Variants in IPMK observed in about 807,000 individuals in gnomAD.
IPMK encodes inositol 1,3,4,6-tetrakisphosphate 5-kinase.
In IPMK, 17 loss-of-function variants were observed where a neutral mutation model predicts 45.8. The ratio of observed to expected loss-of-function variants is 0.37; its 90% CI spans 0.25 to 0.56. The LOEUF is 0.56. IPMK is among the 20% of genes least tolerant of loss of function. IPMK has a pLI of 0.79. For missense variants in IPMK, 399 were observed against 498.0 expected (o/e 0.80, Z 1.89); for synonymous variants, 180 against 184.3 (o/e 0.98, Z 0.19).
chr10:58,243,739 G>A (rs1240482041), intron 1 of IPMK, among the ~76,000 whole-genome samples: 7 of 152,180 alleles, frequency 4.6e-5, no homozygotes, highest in Admixed American at 1.3e-4. Context: ...TCCCAGCCGC[G>A]TGCCTTGGCC....
chr10:58,215,420 T>C (rs963736643), intron 4 of IPMK, among the ~76,000 whole-genome samples: 2 of 150,786 alleles, frequency 1.3e-5, no homozygotes, highest in African/African-American at 2.5e-5. Flanking sequence ...GCGTTGTTTG[T>C]TTTTCTGAGA....
chr10:58,233,558 C>A (rs942287210), intron 2 of IPMK, among the ~76,000 whole-genome samples: 3 of 151,968 alleles, frequency 2.0e-5, no homozygotes, highest in Non-Finnish European at 2.9e-5. Context: ...ATAAACAGAA[C>A]CAACGACAAA....
intron 2 of IPMK, among the ~76,000 whole-genome samples, chr10:58,228,304 T>C (rs1030610263): frequency 2.6e-5 from 4 of 152,124 alleles, no homozygotes; most frequent in African/African-American, 9.7e-5. Context: ...CATAAAAATA[T>C]ATATAGCAGG....
At chr10:58,229,026 T>C (rs1457399885) in intron 2 of IPMK, among the ~76,000 whole-genome samples, 1 of 152,124 alleles carries the variant, frequency 6.6e-6, no homozygotes, top group East Asian at 1.9e-4. Context: ...ACAGAGTTAC[T>C]ATACTGAAAC....
chr10:58,233,126 C>T (rs2590320), intron 2 of IPMK, among the ~76,000 whole-genome samples: 3 of 151,986 alleles, frequency 2.0e-5, no homozygotes, highest in Admixed American at 2.0e-4. Context: ...ACTAGGAAGA[C>T]GTTGCACCTC....
At chr10:58,227,819 T>A (rs868501047) in intron 2 of IPMK, among the ~76,000 whole-genome samples, 10 of 151,850 alleles carry the variant, frequency 6.6e-5, no homozygotes, top group African/African-American at 2.4e-4. Flanking sequence ...GACAGAATAT[T>A]TTTTGTTTAC....
chr10:58,222,785 C>T (rs1471059818), intron 3 of IPMK, among the ~76,000 whole-genome samples: 3 of 152,188 alleles, frequency 2.0e-5, no homozygotes, highest in Non-Finnish European at 4.4e-5. Context: ...AAGTAGACTA[C>T]ATAAGATCAC....
In IPMK at chr10:58,195,408, A is replaced by C. The variant is rs1837876715; in HGVS notation, c.*668T>G. The C allele has an allele frequency of 6.6e-6, 1 of 152,076 alleles. No homozygotes were observed. The highest frequency in any genetic ancestry group is 2.4e-5 in the African/African-American group (1 of 41,434). The allele number at this position is 152,076 out of a possible 1,614,324, so 9.4% of individuals were successfully genotyped here. A position where few individuals can be genotyped will look rare whatever the true frequency, so the allele number is the denominator to read the frequency against. On this transcript the variant is annotated 3_prime_UTR_variant, in exon 6 of 6. Transcript: ENST00000373935. ...AGTAAGGACAATTAGTGTGCCCTTA[A>C]TTTCAAGACTTTGTTGTTGTCATCC... is the stretch of plus-strand genomic sequence containing the variant.
chr10:58,207,109 T>A (rs1028195484), intron 4 of IPMK, among the ~76,000 whole-genome samples: 2 of 152,174 alleles, frequency 1.3e-5, no homozygotes, highest in Non-Finnish European at 2.9e-5. Flanking sequence ...TTCAAGCGAT[T>A]CTCCTGCCTC....
intron 1 of IPMK, among the ~76,000 whole-genome samples, chr10:58,252,226 T>G (rs1195029779): frequency 6.6e-6 from 1 of 152,212 alleles, no homozygotes; most frequent in Non-Finnish European, 1.5e-5. Flanking sequence ...TGATAACAAC[T>G]CAATGTGGAC....
chr10:58,224,922 C>CA (rs1347336304), intron 3 of IPMK, among the ~76,000 whole-genome samples: 1 of 152,096 alleles, frequency 6.6e-6, no homozygotes, highest in African/African-American at 2.4e-5. Flanking sequence ...CATTTGCAAT[C>CA]AAAAGGATAA....
At chr10:58,233,207 A>T (rs964514719) in intron 2 of IPMK, among the ~76,000 whole-genome samples, 1 of 152,180 alleles carries the variant, frequency 6.6e-6, no homozygotes, top group African/African-American at 2.4e-5. Context: ...AAAGTCCAGG[A>T]CCAGATGGAT....
chr10:58,207,076 C>A (rs377750795), intron 4 of IPMK, among the ~76,000 whole-genome samples: 37 of 152,200 alleles, frequency 2.4e-4, no homozygotes, highest in African/African-American at 8.7e-4. Context: ...GATCTCAGCT[C>A]ACTGCAAACT....
chr10:58,219,384 T>C (rs935933000), intron 3 of IPMK, among the ~76,000 whole-genome samples: 2 of 152,230 alleles, frequency 1.3e-5, no homozygotes, highest in Non-Finnish European at 2.9e-5. Flanking sequence ...GGGCATGATC[T>C]GAGCATTGAG....
At chr10:58,243,875 G>A (rs909276228) in intron 1 of IPMK, among the ~76,000 whole-genome samples, 10 of 151,704 alleles carry the variant, frequency 6.6e-5, no homozygotes, top group Non-Finnish European at 1.3e-4. Flanking sequence ...CCCCATCTGG[G>A]AAGTGAGGAG....
chr10:58,265,885 T>A (rs994933092), intron 1 of IPMK, among the ~76,000 whole-genome samples: 15 of 152,244 alleles, frequency 9.9e-5, no homozygotes, highest in African/African-American at 2.7e-4. Context: ...TTGAGATTTT[T>A]AAAATCTATT....
At position 58,197,027 on chromosome 10, in the gene IPMK, A is replaced by G. The variant is rs12769681; in HGVS notation, c.629-329T>C. On this transcript the variant is annotated intron_variant, in intron 5 of 5. Transcript: ENST00000373935. ...TAAGAAACAGGATTCCAGGCTGGGC[A>G]CGGTGGCTCACGCCTGTAATCCCAG... 2.3e-3 allele frequency among the ~76,000 whole-genome samples: 352 copies of G among 152,038 alleles called. 1 individual carries two copies. Among genetic ancestry groups the G allele is most frequent in the Non-Finnish European group, 3.9e-3 (262 of 67,966 alleles).
At chr10:58,218,892 G>C (rs776244393) in intron 3 of IPMK, among the ~76,000 whole-genome samples, 1 of 152,182 alleles carries the variant, frequency 6.6e-6, no homozygotes, top group Non-Finnish European at 1.5e-5. Flanking sequence ...ATAAATGTTT[G>C]CTGAATGAAT....
At chr10:58,254,820 T>C (rs1447059207) in intron 1 of IPMK, among the ~76,000 whole-genome samples, 1 of 152,250 alleles carries the variant, frequency 6.6e-6, no homozygotes, top group African/African-American at 2.4e-5. Context: ...CCTGTCATTG[T>C]TTCCTGTTCT....
Sources: allele counts gnomAD v4.1 joint callset (sites outside exome capture counted in the v4.1 genomes callset), GRCh38; gene constraint gnomAD v4.1.1; transcripts MANE v1.5; gene names NCBI Gene and HGNC (gene_info 2026-07-23, HGNC 2026-07-21).